DMD: variants seen among roughly 807,000 people sequenced by gnomAD.
DMD encodes dystrophin.
In DMD, 63 loss-of-function variants were observed where a neutral mutation model predicts 330.1. The ratio of observed to expected loss-of-function variants is 0.19; its 90% CI spans 0.16 to 0.24. The LOEUF (loss-of-function observed/expected upper bound fraction) is 0.24, where lower values mean the gene tolerates loss of function less well. Ranked by LOEUF, DMD falls within the 10% of genes least tolerant of loss-of-function variation. The pLI is 1.00. For synonymous variants in DMD, 1,223 were observed against 959.8 expected, an observed-to-expected ratio of 1.27 and a Z score of -5.07; for missense variants, 3,344 against 2,684.1, an observed-to-expected ratio of 1.25 and a Z score of -5.43.
intron 4 of DMD, among the ~76,000 whole-genome samples, chrX:32,826,054 CAAA>C (rs1156335143): frequency 9.0e-6 from 1 of 111,553 alleles, no homozygotes; most frequent in East Asian, 2.8e-4. Flanking sequence ...AGACATTTCT[CAAA>C]AGAAGACAAA....
At chrX:32,716,954 G>A (rs1324315521) in intron 7 of DMD, among the ~76,000 whole-genome samples, 1 of 111,560 alleles carries the variant, frequency 9.0e-6, no homozygotes, top group Non-Finnish European at 1.9e-5. Context: ...GATGTGACCT[G>A]GCTTCTTCTA....
chrX:32,662,372 A>C (rs1368317416), intron 9 of DMD, among the ~76,000 whole-genome samples: 1 of 111,993 alleles, frequency 8.9e-6, no homozygotes, highest in African/African-American at 3.2e-5. Context: ...AATCTGGAAT[A>C]GGGAAGCCAT....
intron 1 of DMD, among the ~76,000 whole-genome samples, chrX:33,230,523 T>C (rs1027221474): frequency 9.0e-6 from 1 of 111,614 alleles, no homozygotes; most frequent in African/African-American, 3.2e-5. Flanking sequence ...CCCTGCATTA[T>C]AACAATATAA....
chrX:32,113,308 C>A (rs1183140731), intron 44 of DMD, among the ~76,000 whole-genome samples: 1 of 112,125 alleles, frequency 8.9e-6, no homozygotes, highest in Non-Finnish European at 1.9e-5. Flanking sequence ...TAATAAAATA[C>A]GTGAAATGTT....
chrX:33,142,198 GTC>G (rs1287205327), intron 1 of DMD, among the ~76,000 whole-genome samples: 1 of 112,157 alleles, frequency 8.9e-6, no homozygotes, highest in Non-Finnish European at 1.9e-5. Context: ...CAGTTCTCCT[GTC>G]TCAGCCTCCC....
chrX:33,114,286 T>C (rs915637881), intron 1 of DMD, among the ~76,000 whole-genome samples: 1 of 109,229 alleles, frequency 9.2e-6, no homozygotes, highest in African/African-American at 3.3e-5. Flanking sequence ...AATTTTGTAT[T>C]TTTAGTAGAG....
chrX:31,348,827 A>G (rs375126411), intron 60 of DMD, among the ~76,000 whole-genome samples, 193 bp from the exon 61 acceptor site: 1 of 112,246 alleles, frequency 8.9e-6, no homozygotes, highest in South Asian at 3.7e-4. Flanking sequence ...ATCCAAGGCC[A>G]AACACAAAGG....
intron 33 of DMD, among the ~76,000 whole-genome samples, chrX:32,384,546 T>G (rs1569560577): frequency 9.0e-6 from 1 of 110,984 alleles, no homozygotes; most frequent in Non-Finnish European, 1.9e-5. Flanking sequence ...AAATATTAAT[T>G]AGAGGGTTTT....
At chrX:32,328,589 A>G (rs2097663479) in intron 41 of DMD, among the ~76,000 whole-genome samples, 1 of 110,872 alleles carries the variant, frequency 9.0e-6, no homozygotes, top group Non-Finnish European at 1.9e-5. Flanking sequence ...TCAAGCAACC[A>G]ATATAGAAAC....
At chrX:32,468,085 T>C (rs1359218329) in intron 23 of DMD, among the ~76,000 whole-genome samples, 1 of 110,122 alleles carries the variant, frequency 9.1e-6, no homozygotes, top group African/African-American at 3.3e-5. Context: ...GAAATAATCA[T>C]ATACATACTA....
intron 29 of DMD, among the ~76,000 whole-genome samples, chrX:32,426,912 T>G (rs913680233): frequency 3.6e-5 from 4 of 111,020 alleles, no homozygotes; most frequent in African/African-American, 1.3e-4. Flanking sequence ...ATAATGAGAA[T>G]ACATGGACAC....
chrX:32,724,230 A>C (rs892075658), intron 7 of DMD, among the ~76,000 whole-genome samples: 1 of 111,755 alleles, frequency 8.9e-6, no homozygotes, highest in East Asian at 2.8e-4. Context: ...AATAAACTCT[A>C]AATTAAATCA....
chrX:32,764,694 G>A (rs1375554886), intron 7 of DMD, among the ~76,000 whole-genome samples: 1 of 111,833 alleles, frequency 8.9e-6, no homozygotes, highest in African/African-American at 3.2e-5. Context: ...TCTTCAGATG[G>A]ACATTTGAGT....
chrX:33,243,143 T>A (rs1429061895), intron 1 of DMD, among the ~76,000 whole-genome samples: 1 of 111,983 alleles, frequency 8.9e-6, no homozygotes, highest in Non-Finnish European at 1.9e-5. Flanking sequence ...TTACTGCATT[T>A]GCTTTTGGGT....
At chrX:31,637,417 A>AT (rs1457248949) in intron 54 of DMD, among the ~76,000 whole-genome samples, 1 of 111,616 alleles carries the variant, frequency 9.0e-6, no homozygotes, top group African/African-American at 3.2e-5. Context: ...TTTAGGATTT[A>AT]TTTTTTTCAA....
chrX:32,049,298 G>GT (rs2096087995), intron 44 of DMD, among the ~76,000 whole-genome samples: 1 of 111,470 alleles, frequency 9.0e-6, no homozygotes, highest in South Asian at 3.7e-4. Context: ...TTGGAAATGA[G>GT]TATGGAAAGC....
At position 31,786,218 on chromosome X, in the gene DMD, T is replaced by C. The variant is rs963418169; in HGVS notation, c.7310-12026A>G. Among the ~76,000 whole-genome samples, 61 of 112,380 alleles carry C rather than the reference T, an allele frequency of 5.4e-4. 1 individual carries two copies. The highest frequency in any genetic ancestry group is 1.6e-3 in the African/African-American group (50 of 30,959). On this transcript the variant is annotated intron_variant, in intron 50 of 78. Coordinates refer to ENST00000357033, the MANE Select transcript of DMD (RefSeq NM_004006.3). The stretch of plus-strand genomic sequence containing the variant: ...AATGACCAGTGATGATGAGCTTTTT[T>C]TCATGTGTCTTTTGGCCACATAAAT...
At chrX:32,700,993 C>T (rs1342899255) in intron 7 of DMD, among the ~76,000 whole-genome samples, 5 of 111,892 alleles carry the variant, frequency 4.5e-5, no homozygotes, top group South Asian at 3.6e-4. Context: ...AAAAGAGTTA[C>T]AAGAGACGAA....
At chrX:33,007,918 G>A (rs983243947) in intron 2 of DMD, among the ~76,000 whole-genome samples, 2 of 111,256 alleles carry the variant, frequency 1.8e-5, no homozygotes, top group African/African-American at 3.3e-5. Context: ...CTTGTAGATC[G>A]AAGACATTTT....
Sources: allele counts gnomAD v4.1 joint callset (sites outside exome capture counted in the v4.1 genomes callset), GRCh38; gene constraint gnomAD v4.1.1; transcripts MANE v1.5; gene names NCBI Gene and HGNC (gene_info 2026-07-23, HGNC 2026-07-21).